GRIK4: variants seen among roughly 807,000 people sequenced by gnomAD.
GRIK4 encodes glutamate ionotropic receptor kainate type subunit 4, also known as glutamate receptor ionotropic, kainate 4.
A neutral mutation model predicts 104.9 loss-of-function variants in GRIK4; 40 were observed. That is an observed-to-expected ratio of 0.38 (90% CI 0.30 to 0.50). The LOEUF (loss-of-function observed/expected upper bound fraction) is 0.50, where lower values mean the gene tolerates loss of function less well. Among genes scored for constraint, GRIK4 ranks in the 20% least tolerant of loss-of-function variants. GRIK4 has a pLI of 0.93. For synonymous variants in GRIK4, 485 were observed against 524.9 expected, an observed-to-expected ratio of 0.92 and a Z score of 1.04; for missense variants, 1,047 against 1,308.1, an observed-to-expected ratio of 0.80 and a Z score of 3.08.
intron 18 of GRIK4, among the ~76,000 whole-genome samples, chr11:120,965,207 A>T (rs568713132): frequency 6.6e-6 from 1 of 152,358 alleles, no homozygotes; most frequent in South Asian, 2.1e-4. Flanking sequence ...GTGGCTTAGG[A>T]ACTAAGTAGG....
At chr11:120,945,451 A>G (rs1943836584) in intron 14 of GRIK4, among the ~76,000 whole-genome samples, 1 of 152,160 alleles carries the variant, frequency 6.6e-6, no homozygotes, top group Non-Finnish European at 1.5e-5. Context: ...TTGGTATGGA[A>G]AATGTGGTCA....
rs1949532435 is a variant in GRIK4 at position 120,645,584 on chromosome 11, A to G, written c.-158-8101A>G. 1.3e-5 allele frequency among the ~76,000 whole-genome samples: 2 copies of G among 152,152 alleles called. 1 individual carries two copies. Among genetic ancestry groups the G allele is most frequent in the African/African-American group, 4.8e-5 (2 of 41,442 alleles). Reference sequence around the variant, plus strand: ...ATCACCCGGATGGGACTTCAATGCCAGAAATCCTTGGCATCCACGTGGACA... The same window carrying G: ...ATCACCCGGATGGGACTTCAATGCCGGAAATCCTTGGCATCCACGTGGACA... On this transcript the variant is annotated intron_variant, in intron 1 of 20. Coordinates refer to ENST00000527524, the MANE Select transcript of GRIK4 (RefSeq NM_014619.5).
intron 3 of GRIK4, among the ~76,000 whole-genome samples, chr11:120,750,578 A>C (rs530772534): frequency 5.3e-5 from 8 of 152,178 alleles, no homozygotes; most frequent in African/African-American, 1.7e-4. Context: ...CATGTTGGCC[A>C]GGCTGGTCTC....
At chr11:120,938,014 A>C (rs532677389) in intron 13 of GRIK4, among the ~76,000 whole-genome samples, 2 of 152,248 alleles carry the variant, frequency 1.3e-5, no homozygotes, top group African/African-American at 4.8e-5. Flanking sequence ...CGTTTACCTC[A>C]TGCCCATTTC....
chr11:120,773,624 C>A (rs1951986870), intron 3 of GRIK4, among the ~76,000 whole-genome samples: 1 of 152,120 alleles, frequency 6.6e-6, no homozygotes, highest in African/African-American at 2.4e-5. Context: ...AACCTTGGAA[C>A]TGTGTTAGGC....
intron 6 of GRIK4, among the ~76,000 whole-genome samples, chr11:120,828,765 A>G (rs750515334): frequency 5.9e-5 from 9 of 152,148 alleles, no homozygotes; most frequent in Non-Finnish European, 1.0e-4. Context: ...CCCGCGTCTC[A>G]GCACACAGAG....
At chr11:120,862,667 A>G (rs1238735042) in intron 9 of GRIK4, among the ~76,000 whole-genome samples, 8 of 152,022 alleles carry the variant, frequency 5.3e-5, no homozygotes, top group Non-Finnish European at 8.8e-5. Context: ...CCTTCTGCCC[A>G]GTCCCTCTGC....
In GRIK4 at chr11:120,956,843, G is replaced by A; in HGVS notation, c.1764G>A (p.Val588=). ...PCAQGRCNLL[V]NQYSLGNSLW... is the part of the protein sequence containing the mutation. ...CCCAGGGCCGGTGCAACCTCCTGGT[G>A]AACCAGTACTCCCTGGGCAACAGCC... Residue 588 remains valine (V), a synonymous_variant, in exon 16 of 21, where the codon GTG becomes GTA. Transcript: ENST00000527524. This position sits in a 1 kb window ranked among gnomAD's most constrained non-coding sequence, Gnocchi z 4.6. 6.2e-7 allele frequency: 1 copy of A among 1,613,958 alleles called. No individual in the cohort carries two copies. The highest frequency in any genetic ancestry group is 8.5e-7 in the Non-Finnish European group (1 of 1,179,928).
chr11:120,807,986 T>C (rs114543899), intron 4 of GRIK4, among the ~76,000 whole-genome samples: 65 of 152,208 alleles, frequency 4.3e-4, no homozygotes, highest in African/African-American at 1.4e-3. Flanking sequence ...CAGAGCAGGC[T>C]ATGGGGTCAG....
chr11:120,608,958 A>G (rs1948997642), intron 1 of GRIK4, among the ~76,000 whole-genome samples: 1 of 152,236 alleles, frequency 6.6e-6, no homozygotes, highest in Non-Finnish European at 1.5e-5. Context: ...AGAGTGTTGA[A>G]TCTGATTTGC....
chr11:120,755,812 T>TCTA (rs1951642116), intron 3 of GRIK4, among the ~76,000 whole-genome samples: 1 of 151,930 alleles, frequency 6.6e-6, no homozygotes, highest in Non-Finnish European at 1.5e-5. Flanking sequence ...AGAGTTGGGG[T>TCTA]GGATGCCTTC....
intron 1 of GRIK4, among the ~76,000 whole-genome samples, chr11:120,628,504 C>G (rs1056111490): frequency 6.6e-6 from 1 of 152,294 alleles, no homozygotes; most frequent in East Asian, 1.9e-4. Flanking sequence ...GATTGTAGAT[C>G]CCCTGAAGCC....
chr11:120,686,233 G>A (rs1950274985), intron 3 of GRIK4, among the ~76,000 whole-genome samples: 1 of 152,038 alleles, frequency 6.6e-6, no homozygotes, highest in South Asian at 2.1e-4. Context: ...TTTAAAGTGT[G>A]ACTTTACTCA....
chr11:120,519,778 G>T (rs1332959986), intron 1 of GRIK4, among the ~76,000 whole-genome samples: 2 of 151,568 alleles, frequency 1.3e-5, no homozygotes. Flanking sequence ...GTGCATGCAT[G>T]CATGCTTGTG....
Position 120,909,762 on chromosome 11 carries a change from T to C in GRIK4, c.1476+4269T>C, listed in dbSNP as rs144834762. 2.5e-3 allele frequency among the ~76,000 whole-genome samples: 379 copies of C among 152,320 alleles called. 2 individuals are homozygous for C. Among genetic ancestry groups the C allele is most frequent in the African/African-American group, 8.4e-3 (348 of 41,562 alleles). ...TTGGGGAATATGGTGACTGCCTGTA[T>C]GTCTGAGTGATATGAATTAAAGTGT... On this transcript the variant is annotated intron_variant, in intron 13 of 20. Coordinates refer to ENST00000527524, the MANE Select transcript of GRIK4 (RefSeq NM_014619.5).
Position 120,988,604 on chromosome 11 carries a change from C to T in GRIK4, c.*2344C>T, listed in dbSNP as rs1472108244. ...TTAGCTGCTGAGACCAGGGCCTCACCTTGCTCAAGCTAGTGGGTGAATTTG... is the reference window on the plus strand; with the variant it reads ...TTAGCTGCTGAGACCAGGGCCTCACTTTGCTCAAGCTAGTGGGTGAATTTG... On this transcript the variant is annotated 3_prime_UTR_variant, in exon 21 of 21. Coordinates refer to ENST00000527524, the MANE Select transcript of GRIK4 (RefSeq NM_014619.5). 6.6e-6 allele frequency: 1 copy of T among 152,172 alleles called. No homozygotes were observed. The highest frequency in any genetic ancestry group is 1.5e-5 in the Non-Finnish European group (1 of 68,028). The allele number at this position is 152,172 out of a possible 1,614,324, so 9.4% of individuals were successfully genotyped here. A position where few individuals can be genotyped will look rare whatever the true frequency, so the allele number is the denominator to read the frequency against.
chr11:120,580,224 TTTC>T (rs1948555062), intron 1 of GRIK4, among the ~76,000 whole-genome samples: 1 of 139,640 alleles, frequency 7.2e-6, no homozygotes, highest in African/African-American at 3.3e-5. Context: ...TCTTTCTTTC[TTTC>T]TTTCTTTCTT....
At chr11:120,864,132 C>G (rs1410220459) in intron 9 of GRIK4, among the ~76,000 whole-genome samples, 1 of 152,114 alleles carries the variant, frequency 6.6e-6, no homozygotes, top group Non-Finnish European at 1.5e-5. Context: ...AGACTCAACC[C>G]CTAGCAGCAA....
chr11:120,871,820 G>A, intron 9 of GRIK4: 1 of 456,148 alleles, frequency 2.2e-6, no homozygotes, highest in South Asian at 1.5e-5. Flanking sequence ...GAGAGAGGGA[G>A]GAAGAAAGCA....
Sources: allele counts gnomAD v4.1 joint callset (sites outside exome capture counted in the v4.1 genomes callset), GRCh38; gene constraint gnomAD v4.1.1; non-coding constraint Gnocchi (gnomAD v3.1); transcripts MANE v1.5; gene names NCBI Gene and HGNC (gene_info 2026-07-23, HGNC 2026-07-21).